NCKAP5: variants seen among roughly 807,000 people sequenced by gnomAD.
NCKAP5 encodes NCK associated protein 5, also known as nck-associated protein 5.
Under a neutral mutation model 167.0 loss-of-function variants are expected in NCKAP5, and 92 were observed. The observed-to-expected ratio is 0.55, with a 90% confidence interval of 0.47 to 0.66. NCKAP5 has a LOEUF of 0.66. NCKAP5 is among the 30% of genes least tolerant of loss of function. NCKAP5 has a pLI of 0.00. For missense variants in NCKAP5, 2,378 were observed against 2,315.0 expected, an observed-to-expected ratio of 1.03 and a Z score of -0.56; for synonymous variants, 891 against 877.4, an observed-to-expected ratio of 1.02 and a Z score of -0.27.
chr2:133,210,758 C>G (rs7598534), intron 5 of NCKAP5, among the ~76,000 whole-genome samples: 3 of 151,976 alleles, frequency 2.0e-5, no homozygotes, highest in African/African-American at 7.3e-5. Flanking sequence ...TACTGAGGAA[C>G]AGGGAGAAAA....
At chr2:133,331,119 TGTC>T (rs1682825472) in intron 3 of NCKAP5, among the ~76,000 whole-genome samples, 1 of 152,200 alleles carries the variant, frequency 6.6e-6, no homozygotes, top group African/African-American at 2.4e-5. Flanking sequence ...ATATCCTAAT[TGTC>T]GTTGACTGAT....
At chr2:132,954,887 A>G (rs1241775685) in intron 8 of NCKAP5, 7 of 321,226 alleles carry the variant, frequency 2.2e-5, no homozygotes, top group Non-Finnish European at 4.2e-5. Flanking sequence ...ATTTTTCTAA[A>G]AACTTCAAGC....
At chr2:133,152,023 G>A (rs2083401187) in intron 5 of NCKAP5, among the ~76,000 whole-genome samples, 1 of 152,068 alleles carries the variant, frequency 6.6e-6, no homozygotes, top group Non-Finnish European at 1.5e-5. Context: ...AAGGAATCAA[G>A]ATGTTCTTCA....
intron 16 of NCKAP5, among the ~76,000 whole-genome samples, chr2:132,752,406 C>T (rs1038272042): frequency 2.0e-5 from 3 of 152,192 alleles, no homozygotes; most frequent in African/African-American, 7.2e-5. Flanking sequence ...CACATGAACT[C>T]AGAGGGCTAA....
At chr2:133,288,135 C>G (rs1679294180) in intron 4 of NCKAP5, among the ~76,000 whole-genome samples, 1 of 151,522 alleles carries the variant, frequency 6.6e-6, no homozygotes, top group African/African-American at 2.4e-5. Flanking sequence ...ATAACCAATT[C>G]TTTTTTTTTA....
chr2:133,429,421 A>C (rs2151119395), intron 3 of NCKAP5, among the ~76,000 whole-genome samples: 1 of 152,116 alleles, frequency 6.6e-6, no homozygotes, highest in South Asian at 2.1e-4. Flanking sequence ...GAATATAGTA[A>C]CCAATAAAAA....
the NCKAP5 span, chr2:133,596,148 T>G: frequency 1.3e-5 from 2 of 158,278 alleles, no homozygotes; most frequent in African/African-American, 4.8e-5. Flanking sequence ...CAGGGTTGAT[T>G]TGACTGATCT....
chr2:133,003,135 C>T (rs2077844692), intron 6 of NCKAP5, among the ~76,000 whole-genome samples: 1 of 152,210 alleles, frequency 6.6e-6, no homozygotes, highest in African/African-American at 2.4e-5. Context: ...CCCTAACTTA[C>T]CACTGTCGGC....
rs546648651 is a variant in NCKAP5 at position 132,838,611 on chromosome 2, G to A, written c.807+21881C>T. Among the ~76,000 whole-genome samples the A allele has an allele frequency of 2.1e-3, 327 of 152,218 alleles. 2 individuals carry two copies. Among genetic ancestry groups the A allele is most frequent in the African/African-American group, 7.5e-3 (313 of 41,560 alleles). On this transcript the variant is annotated intron_variant, in intron 11 of 19. Transcript: ENST00000409261. The stretch of plus-strand genomic sequence containing the variant: ...TACACCACTGCACTCCAGGCTGGGC[G>A]ACAGAGAGAGACTCTGTCTCTAAAA...
At chr2:133,437,210 A>G (rs960419535) in intron 3 of NCKAP5, among the ~76,000 whole-genome samples, 4 of 152,020 alleles carry the variant, frequency 2.6e-5, no homozygotes, top group Non-Finnish European at 5.9e-5. Flanking sequence ...AAAATTAGCC[A>G]GGCGTGGTGG....
intron 19 of NCKAP5, among the ~76,000 whole-genome samples, chr2:132,697,773 T>C (rs543209843): frequency 2.0e-5 from 3 of 152,276 alleles, no homozygotes; most frequent in East Asian, 1.9e-4. Context: ...TCAAGAAATA[T>C]AGAGAAATGG....
intron 5 of NCKAP5, 148 bp from the exon 6 acceptor site, chr2:133,130,259 T>C: frequency 1.2e-6 from 1 of 863,152 alleles, no homozygotes; most frequent in Non-Finnish European, 1.7e-6. Flanking sequence ...TCTTAATCTC[T>C]TGTTATAGAC....
intron 7 of NCKAP5, among the ~76,000 whole-genome samples, chr2:132,989,741 A>G (rs1163260488): frequency 6.6e-6 from 1 of 152,166 alleles, no homozygotes; most frequent in Non-Finnish European, 1.5e-5. Context: ...AAAATATTCC[A>G]CAGATAACTG....
chr2:133,131,258 T>G (rs936240259), intron 5 of NCKAP5, among the ~76,000 whole-genome samples: 1 of 152,014 alleles, frequency 6.6e-6, no homozygotes, highest in African/African-American at 2.4e-5. Flanking sequence ...GTACCTTTGT[T>G]CCAGCGTGAA....
At chr2:133,009,536 T>C (rs1450332911) in intron 6 of NCKAP5, among the ~76,000 whole-genome samples, 1 of 152,192 alleles carries the variant, frequency 6.6e-6, no homozygotes, top group Non-Finnish European at 1.5e-5. Context: ...TTATGTAATA[T>C]GAATAATTGT....
At chr2:133,600,892 A>T in the NCKAP5 span, among the ~76,000 whole-genome samples, 2 of 152,074 alleles carry the variant, frequency 1.3e-5, no homozygotes, top group East Asian at 3.9e-4. Flanking sequence ...CTGTAAGTCA[A>T]CCTCCACGCC....
intron 5 of NCKAP5, among the ~76,000 whole-genome samples, chr2:133,195,009 G>A (rs2085378054): frequency 6.6e-6 from 1 of 151,842 alleles, no homozygotes; most frequent in Non-Finnish European, 1.5e-5. Flanking sequence ...ACTAATACAG[G>A]CATATAAGAT....
At chr2:133,421,538 A>C (rs1689478397) in intron 3 of NCKAP5, among the ~76,000 whole-genome samples, 1 of 152,186 alleles carries the variant, frequency 6.6e-6, no homozygotes, top group Non-Finnish European at 1.5e-5. Flanking sequence ...GCCTTAAATG[A>C]GGATCAGTCT....
At chr2:133,669,495 C>T in the NCKAP5 span, among the ~76,000 whole-genome samples, 5 of 152,154 alleles carry the variant, frequency 3.3e-5, no homozygotes, top group East Asian at 9.6e-4. Context: ...TTCTTGGGTG[C>T]TCCACCACTT....
Sources: gnomAD v4.1 joint callset for allele counts (sites outside exome capture counted in the v4.1 genomes callset) on GRCh38, gnomAD v4.1.1 for gene constraint, MANE v1.5 for transcripts, NCBI Gene and HGNC (gene_info 2026-07-23, HGNC 2026-07-21) for gene names.